ANKRD18B: variants seen among roughly 807,000 people sequenced by gnomAD.
ANKRD18B encodes the protein ankyrin repeat domain 18B.
A neutral mutation model predicts 111.8 loss-of-function variants in ANKRD18B; 75 were observed. The observed-to-expected ratio is 0.67, with a 90% confidence interval of 0.56 to 0.81. The LOEUF (loss-of-function observed/expected upper bound fraction) is 0.81. Ranked by LOEUF, ANKRD18B falls within the 40% of genes least tolerant of loss-of-function variation. The pLI is 0.00. For synonymous variants in ANKRD18B, 356 were observed against 417.3 expected (o/e 0.85, Z 1.79); for missense variants, 1,038 against 1,225.5 (o/e 0.85, Z 2.28).
intron 3 of ANKRD18B, among the ~76,000 whole-genome samples, chr9:33,530,630 A>G (rs1438033678): frequency 1.3e-5 from 2 of 152,126 alleles, no homozygotes; most frequent in South Asian, 2.1e-4. Flanking sequence ...TCAAAGACAT[A>G]AGAAATCTCT....
intron 3 of ANKRD18B, among the ~76,000 whole-genome samples, chr9:33,530,403 T>G (rs1352232550): frequency 1.3e-5 from 2 of 151,972 alleles, no homozygotes; most frequent in Non-Finnish European, 2.9e-5. Context: ...CCTAGGAGTT[T>G]GAGTCCAGCC....
chr9:33,524,648 C>A lies in ANKRD18B; in HGVS notation c.159C>A (p.Cys53Ter), dbSNP rs1484160650. ...IKGDAAEVEHCLTRRFRDLDV... is the reference protein window; with the variant it reads ...IKGDAAEVEH ...GCGACGCCGCAGAGGTGGAGCACTGCCTGACGCGCAGGTTCCGGGACTTGG... is the reference window on the plus strand; with the variant it reads ...GCGACGCCGCAGAGGTGGAGCACTGACTGACGCGCAGGTTCCGGGACTTGG... The change falls in exon 1 of 19, where the codon TGC (cysteine) becomes TGA (stop). Residue 53 changes from cysteine (C) to a stop codon, truncating the protein, a stop_gained. Transcript: ENST00000684830. LOFTEE classifies it high-confidence loss of function. 10 of 1,551,346 alleles carry A rather than the reference C, an allele frequency of 6.4e-6. No homozygotes were observed. The highest frequency in any genetic ancestry group is 8.7e-6 in the Non-Finnish European group (10 of 1,146,954).
chr9:33,539,047 A>G (rs1238767398), intron 6 of ANKRD18B, among the ~76,000 whole-genome samples: 2 of 152,222 alleles, frequency 1.3e-5, no homozygotes, highest in East Asian at 3.8e-4. Context: ...TTTTCAACAG[A>G]GTTTTTAAGA....
Position 33,534,522 on chromosome 9 carries a change from T to G in ANKRD18B, c.740+15T>G, listed in dbSNP as rs1828167190. On this transcript the variant is annotated intron_variant, in intron 5 of 18. Transcript: ENST00000684830. ...GATTTGAGAAGGTATGTGCTTATAT[T>G]AAAAGACCGGTTAATACTAAATTAA... The G allele has an allele frequency of 6.6e-7, 1 of 1,516,480 alleles. No individual in the cohort carries two copies. The highest frequency in any genetic ancestry group is 8.8e-7 in the Non-Finnish European group (1 of 1,135,896). The allele number at this position is 1,516,480 out of a possible 1,614,324, so 93.9% of individuals were successfully genotyped here.
At chr9:33,551,045 T>C (rs532781303) in intron 12 of ANKRD18B, among the ~76,000 whole-genome samples, 8 of 152,322 alleles carry the variant, frequency 5.3e-5, no homozygotes, top group African/African-American at 1.9e-4. Flanking sequence ...GCCATCATAC[T>C]GTTCTTTGAA....
At chr9:33,561,768 A>G (rs189792432) in intron 14 of ANKRD18B, among the ~76,000 whole-genome samples, 5 of 152,338 alleles carry the variant, frequency 3.3e-5, no homozygotes, top group Admixed American at 3.3e-4. Context: ...TGAAAAGACT[A>G]TTCTTTTCCC....
At chr9:33,552,837 C>G (rs1828466875) in intron 12 of ANKRD18B, among the ~76,000 whole-genome samples, 1 of 151,802 alleles carries the variant, frequency 6.6e-6, no homozygotes, top group African/African-American at 2.4e-5. Flanking sequence ...GCAAATCTTA[C>G]CTGTAGCTCA....
At position 33,548,040 on chromosome 9, in the gene ANKRD18B, G is replaced by A; in HGVS notation, c.1252G>A (p.Asp418Asn). ...LKEELYAIKN[D>N]SLRKEKKYIQ... ...AGAGGAATTATATGCAATAAAAAAT[G>A]ACAGTCTCAGAAAGGAAAAGAAATA... Residue 418 changes from aspartate (D) to asparagine (N), a missense_variant, in exon 11 of 19, where the codon GAC becomes AAC. Coordinates refer to ENST00000684830, the MANE Select transcript of ANKRD18B (RefSeq NM_001393611.1). The A allele has an allele frequency of 6.5e-7, 1 of 1,530,578 alleles. No individual in the cohort carries two copies. Among genetic ancestry groups the A allele is most frequent in the South Asian group, 1.3e-5 (1 of 78,392 alleles). The allele number at this position is 1,530,578 out of a possible 1,614,324, so 94.8% of individuals were successfully genotyped here. A position where few individuals can be genotyped will look rare whatever the true frequency, so the allele number is the denominator to read the frequency against.
chr9:33,558,699 G>A (rs483141), intron 14 of ANKRD18B, among the ~76,000 whole-genome samples: 23 of 152,168 alleles, frequency 1.5e-4, no homozygotes, highest in Middle Eastern at 3.4e-3. Flanking sequence ...ATATTTAAAC[G>A]TAAGGTAATT....
Position 33,524,565 on chromosome 9 carries a change from C to CG in ANKRD18B, c.81dup (p.Tyr28ValfsTer71), listed in dbSNP as rs552368397. 2,755 of 1,551,360 alleles carry CG rather than the reference C, an allele frequency of 1.8e-3. 4 individuals carry two copies. The highest frequency in any genetic ancestry group is 2.2e-3 in the Non-Finnish European group (2,562 of 1,146,812). Reference sequence around the variant, plus strand: ...CTCCATGGACCAAGAGTATGCGGGTCGGGGGTACCACATTCGGGACTGGGA... The same window carrying CG: ...CTCCATGGACCAAGAGTATGCGGGTCGGGGGGTACCACATTCGGGACTGGGA... On this transcript the variant is annotated frameshift_variant, in exon 1 of 19. Transcript: ENST00000684830. LOFTEE classifies it high-confidence loss of function.
intron 13 of ANKRD18B, among the ~76,000 whole-genome samples, chr9:33,557,086 C>T (rs1450139785): frequency 3.3e-5 from 5 of 152,014 alleles, no homozygotes; most frequent in Admixed American, 2.6e-4. Context: ...ATTTTTCTGC[C>T]ATTGTCTTTC....
downstream of ANKRD18B, chr9:33,573,163 G>A (rs960781052): frequency 7.1e-6 from 7 of 984,302 alleles, no homozygotes; most frequent in Middle Eastern, 5.2e-4. Context: ...TTTTCTCTGC[G>A]GCAACCCTAG....
rs575941544 is a variant in ANKRD18B at position 33,546,334 on chromosome 9, T to A, written c.1150-1604T>A. Among the ~76,000 whole-genome samples the A allele has an allele frequency of 1.2e-3, 177 of 152,304 alleles. 1 individual carries two copies. Among genetic ancestry groups the A allele is most frequent in the African/African-American group, 4.1e-3 (172 of 41,586 alleles). On this transcript the variant is annotated intron_variant, in intron 10 of 18. Transcript: ENST00000684830. ...AATTCCATCATGGCCACTTTAAATG[T>A]TTTTGGAAACAAATACACATACTTT...
chr9:33,535,387 G>C (rs189700051), intron 5 of ANKRD18B, among the ~76,000 whole-genome samples: 1 of 151,990 alleles, frequency 6.6e-6, no homozygotes, highest in African/African-American at 2.4e-5. Flanking sequence ...CTGGGTTCAC[G>C]CTATTCTCCT....
At chr9:33,540,697 G>A (rs1828265765) in intron 8 of ANKRD18B, among the ~76,000 whole-genome samples, 1 of 152,002 alleles carries the variant, frequency 6.6e-6, no homozygotes, top group Non-Finnish European at 1.5e-5. Flanking sequence ...AATATTTTAG[G>A]CCATGTGGTC....
intron 16 of ANKRD18B, among the ~76,000 whole-genome samples, chr9:33,568,310 A>G (rs1451919188): frequency 6.6e-6 from 1 of 152,214 alleles, no homozygotes; most frequent in African/African-American, 2.4e-5. Flanking sequence ...ATTTTCCCAC[A>G]TAGTTACCCT....
chr9:33,524,793 G>A (rs1357907060), intron 1 of ANKRD18B, 98 bp downstream of exon 1: 3 of 1,403,652 alleles, frequency 2.1e-6, no homozygotes, highest in South Asian at 1.5e-5. Flanking sequence ...GACCCTGGGA[G>A]CCGCGGAGCC....
At chr9:33,556,363 A>G (rs1378278092) in intron 13 of ANKRD18B, among the ~76,000 whole-genome samples, 1 of 151,408 alleles carries the variant, frequency 6.6e-6, no homozygotes, top group Non-Finnish European at 1.5e-5. Flanking sequence ...ACCTGGGTTC[A>G]AGTGATTCTC....
rs539010266 is a variant in ANKRD18B at position 33,541,648 on chromosome 9, T to C, written c.1078+421T>C. 9.9e-5 allele frequency among the ~76,000 whole-genome samples: 15 copies of C among 152,270 alleles called. 1 individual carries two copies. The highest frequency in any genetic ancestry group is 7.8e-4 in the Admixed American group (12 of 15,294). On this transcript the variant is annotated intron_variant, in intron 9 of 18. Coordinates refer to ENST00000684830, the MANE Select transcript of ANKRD18B (RefSeq NM_001393611.1). ...AGAACTTTGAGCCTGCAGTTAACTA[T>C]GATAGCAACATTATACTGTAGCCTG...
Sources: gnomAD v4.1 joint callset for allele counts (sites outside exome capture counted in the v4.1 genomes callset) on GRCh38, gnomAD v4.1.1 for gene constraint, MANE v1.5 for transcripts, NCBI Gene and HGNC (gene_info 2026-07-23, HGNC 2026-07-21) for gene names.